PTGIR: variants seen among roughly 807,000 people sequenced by gnomAD.
PTGIR encodes prostacyclin receptor.
PTGIR carries 16 observed loss-of-function variants against 17.6 expected under a neutral mutation model. The observed-to-expected ratio is 0.91, with a 90% confidence interval of 0.61 to 1.38. The LOEUF (loss-of-function observed/expected upper bound fraction) is 1.38. PTGIR is among the 40% of genes most tolerant of loss of function. The pLI, the probability that PTGIR is intolerant of heterozygous loss-of-function variation, is 0.00. For missense variants in PTGIR, 532 were observed against 548.6 expected (o/e 0.97, Z 0.30); for synonymous variants, 274 against 255.4 (o/e 1.07, Z -0.69).
chr19:46,623,155 T>G, intron 2 of PTGIR: 7 of 211,162 alleles, frequency 3.3e-5, no homozygotes, highest in East Asian at 1.1e-4. Context: ...CTACTTTTTA[T>G]TTATTTATTT....
chr19:46,621,380 T>TCGCC lies in PTGIR; in HGVS notation c.1057_1060dup (p.Glu354GlyfsTer233). On this transcript the variant is annotated frameshift_variant, in exon 3 of 3. Transcript: ENST00000291294. LOFTEE classifies it low-confidence loss of function (END_TRUNC). This position sits in a 1 kb window ranked among gnomAD's most constrained non-coding sequence, Gnocchi z 4.8. ...GGGAGGCAAGGGCTCCACCTGCCCC[T>TCGCC]CGCCCCAAGCCGACAAAGGCACGCA... 6.3e-7 allele frequency: 1 copy of TCGCC among 1,581,524 alleles called. No homozygotes were observed.
chr19:46,622,294 A>C, intron 2 of PTGIR: 1 of 985,392 alleles, frequency 1.0e-6, no homozygotes, highest in Non-Finnish European at 1.2e-6. Flanking sequence ...GAGGGGAGCC[A>C]GGTAGGTGGG....
In PTGIR at chr19:46,621,346, CTGCT is replaced by C. The variant is rs1159663746; in HGVS notation, c.1091_1094del (p.Gln364ArgfsTer27). On this transcript the variant is annotated frameshift_variant, in exon 3 of 3. Coordinates refer to ENST00000291294, the MANE Select transcript of PTGIR (RefSeq NM_000960.4). LOFTEE classifies it low-confidence loss of function (END_TRUNC). The surrounding 1 kb of genome is among the most constrained non-coding windows in gnomAD (Gnocchi z 4.8). ...ACGTTCCCACGGCGCTGCCGCTGGA[CTGCT>C]GTGTGGGAGGCAAGGGCTCCACCTG... is the stretch of plus-strand genomic sequence containing the variant. 2 of 1,543,170 alleles carry C rather than the reference CTGCT, an allele frequency of 1.3e-6. No homozygotes were observed. Among genetic ancestry groups the C allele is most frequent in the African/African-American group, 2.7e-5 (2 of 72,822 alleles).
At chr19:46,619,799 G>A (rs1342073671), downstream of PTGIR, among the ~76,000 whole-genome samples, 1 of 152,160 alleles carries the variant, frequency 6.6e-6, no homozygotes, top group African/African-American at 2.4e-5. Flanking sequence ...CCCCAAGTGT[G>A]GATTTTTTGT....
At chr19:46,610,985 G>A in the PTGIR span, among the ~76,000 whole-genome samples, 2 of 152,180 alleles carry the variant, frequency 1.3e-5, no homozygotes, top group African/African-American at 2.4e-5. Flanking sequence ...GGTCATCAAC[G>A]GCAGGGTCCT....
At chr19:46,616,678 C>G (rs894960628), downstream of PTGIR, among the ~76,000 whole-genome samples, 1 of 152,148 alleles carries the variant, frequency 6.6e-6, no homozygotes, top group Non-Finnish European at 1.5e-5. Flanking sequence ...AACCTCAGGT[C>G]CCCGCTCAGC....
chr19:46,618,632 G>A (rs1017780207), downstream of PTGIR, among the ~76,000 whole-genome samples: 5 of 151,832 alleles, frequency 3.3e-5, no homozygotes, highest in African/African-American at 7.3e-5. Flanking sequence ...TTTTTTAATC[G>A]CAGTAAGATA....
At chr19:46,611,391 A>C in the PTGIR span, among the ~76,000 whole-genome samples, 10 of 152,318 alleles carry the variant, frequency 6.6e-5, no homozygotes, top group Middle Eastern at 3.4e-3. Flanking sequence ...TTAGTCTCAC[A>C]GGCAGCCAAA....
Position 46,621,705 on chromosome 19 carries a change from CAG to C in PTGIR, c.769-35_769-34del. On this transcript the variant is annotated intron_variant, in intron 2 of 2. Transcript: ENST00000291294. This position sits in a 1 kb window ranked among gnomAD's most constrained non-coding sequence, Gnocchi z 4.8. ...CAGGGTGAGGGCGTCAAGGAGCACC[CAG>C]GAGTCCTCAGCCTCCCCACCCTGGC... is the stretch of plus-strand genomic sequence containing the variant. The C allele has an allele frequency of 2.5e-6, 4 of 1,580,550 alleles. No homozygotes were observed. The highest frequency in any genetic ancestry group is 1.3e-5 in the African/African-American group (1 of 74,476).
downstream of PTGIR, among the ~76,000 whole-genome samples, chr19:46,619,638 A>AAAGG (rs1972026928): frequency 7.2e-6 from 1 of 138,580 alleles, no homozygotes; most frequent in Non-Finnish European, 1.6e-5. Flanking sequence ...AGAAAGAAAG[A>AAAGG]AAGAAAGAAA....
At chr19:46,613,590 C>T in the PTGIR span, among the ~76,000 whole-genome samples, 4 of 152,104 alleles carry the variant, frequency 2.6e-5, 1 homozygote, top group South Asian at 8.3e-4. Flanking sequence ...CCTCGGCCTC[C>T]CAAAGTACTA....
chr19:46,617,713 A>AC (rs1971982115), downstream of PTGIR, among the ~76,000 whole-genome samples: 1 of 149,438 alleles, frequency 6.7e-6, no homozygotes, highest in Non-Finnish European at 1.5e-5. Context: ...CTTCTCCAGA[A>AC]CCCCCCATCC....
the PTGIR span, among the ~76,000 whole-genome samples, chr19:46,615,275 G>A: frequency 6.6e-6 from 1 of 152,220 alleles, no homozygotes; most frequent in East Asian, 1.9e-4. Flanking sequence ...TGAATTAGGT[G>A]TTATAGGTAA....
At chr19:46,615,109 A>C in the PTGIR span, among the ~76,000 whole-genome samples, 1 of 152,170 alleles carries the variant, frequency 6.6e-6, no homozygotes, top group Non-Finnish European at 1.5e-5. Context: ...GAATTGCTTG[A>C]ACCCGGGAGG....
chr19:46,614,767 T>A, the PTGIR span, among the ~76,000 whole-genome samples: 1 of 152,056 alleles, frequency 6.6e-6, no homozygotes, highest in Non-Finnish European at 1.5e-5. Flanking sequence ...ACGCTTCTAA[T>A]CCCAGCACTT....
At chr19:46,615,723 G>A (rs2122291765), downstream of PTGIR, among the ~76,000 whole-genome samples, 1 of 151,854 alleles carries the variant, frequency 6.6e-6, no homozygotes, top group South Asian at 2.1e-4. Flanking sequence ...AGCCAGGATG[G>A]TCTCGATCTC....
At chr19:46,619,599 A>AG (rs1234030843), downstream of PTGIR, among the ~76,000 whole-genome samples, 30 of 116,078 alleles carry the variant, frequency 2.6e-4, no homozygotes, top group African/African-American at 9.5e-4. Context: ...AAGAAAAGAA[A>AG]GAAAGGAAAG....
intron 2 of PTGIR, chr19:46,623,151 TTTA>T (rs1023360931): frequency 3.8e-5 from 8 of 208,924 alleles, no homozygotes; most frequent in African/African-American, 1.9e-4. Context: ...CCGGCTACTT[TTTA>T]TTTATTTATT....
chr19:46,617,778 G>A (rs78454804), downstream of PTGIR, among the ~76,000 whole-genome samples: 205 of 151,948 alleles, frequency 1.3e-3, 1 homozygote, highest in African/African-American at 4.3e-3. Flanking sequence ...TTGGCCAGGC[G>A]TGGTGACAAA....
Sources: gnomAD v4.1 joint callset for allele counts (sites outside exome capture counted in the v4.1 genomes callset) on GRCh38, gnomAD v4.1.1 for gene constraint, Gnocchi (gnomAD v3.1) non-coding constraint, MANE v1.5 for transcripts, NCBI Gene and HGNC (gene_info 2026-07-23, HGNC 2026-07-21) for gene names.